IFIT1B: variants seen among roughly 807,000 people sequenced by gnomAD.
IFIT1B encodes protein IFIT1 homolog B.
A neutral mutation model predicts 2.5 loss-of-function variants in IFIT1B; 3 were observed. The ratio of observed to expected loss-of-function variants is 1.21; its 90% CI spans 0.55 to 3.14. The LOEUF (loss-of-function observed/expected upper bound fraction) is 3.14. IFIT1B is among the 30% of genes most tolerant of loss of function. The pLI is 0.03. For synonymous variants in IFIT1B, 196 were observed against 203.0 expected (o/e 0.97, Z 0.29); for missense variants, 545 against 556.5 (o/e 0.98, Z 0.21).
chr10:89,384,611 A>T lies in IFIT1B; in HGVS notation c.1298A>T (p.Asn433Ile). 1 of 1,614,206 alleles carries T rather than the reference A, an allele frequency of 6.2e-7. No individual in the cohort carries two copies. Among genetic ancestry groups the T allele is most frequent in the South Asian group, 1.1e-5 (1 of 91,086 alleles). Residue 433 changes from asparagine to isoleucine, a missense_variant, in exon 2 of 2, where the codon AAT becomes ATT. Asn to Ile is a moderately radical substitution (Grantham distance 149, BLOSUM62 -3). Coordinates refer to ENST00000371809, the MANE Select transcript of IFIT1B (RefSeq NM_001010987.2). ...EKLAKRCIHQNVRVVESVSLL... is the reference protein window; with the variant it reads ...EKLAKRCIHQIVRVVESVSLL... ...TTGGCTAAAAGATGTATTCACCAGA[A>T]TGTACGGGTTGTGGAAAGTGTCAGC... is the stretch of plus-strand genomic sequence containing the variant.
chr10:89,385,176 G>T lies in IFIT1B; in HGVS notation c.*438G>T, dbSNP rs953114028. ...TCCTGAGTGGTTACCCTCAAGCTTT[G>T]TGCTCAAATAAACTCTATACTTAAT... On this transcript the variant is annotated 3_prime_UTR_variant, in exon 2 of 2. Coordinates refer to ENST00000371809, the MANE Select transcript of IFIT1B (RefSeq NM_001010987.2). The T allele has an allele frequency of 6.3e-6, 1 of 158,128 alleles. No homozygotes were observed. The highest frequency in any genetic ancestry group is 1.4e-5 in the Non-Finnish European group (1 of 71,652). The allele number at this position is 158,128 out of a possible 1,614,324, so 9.8% of individuals were successfully genotyped here.
intron 1 of IFIT1B, among the ~76,000 whole-genome samples, chr10:89,379,952 G>A (rs553516101): frequency 2.0e-5 from 3 of 151,848 alleles, no homozygotes; most frequent in South Asian, 4.2e-4. Context: ...GGAGAATGGC[G>A]TGAACCTGGG....
Position 89,384,505 on chromosome 10 carries a change from G to A in IFIT1B, c.1192G>A (p.Ala398Thr), listed in dbSNP as rs1844190150. ...QEHHGKSQDK[A>T]ITHYLKGLKI... ...ACATCATGGGAAATCTCAAGATAAA[G>A]CAATTACCCATTATTTAAAAGGTTT... is the stretch of plus-strand genomic sequence containing the variant. Residue 398 changes from alanine (A) to threonine (T), a missense_variant, in exon 2 of 2, where the codon GCA becomes ACA. By Grantham distance (58) the Ala-to-Thr change is moderately conservative. Coordinates refer to ENST00000371809, the MANE Select transcript of IFIT1B (RefSeq NM_001010987.2). The A allele has an allele frequency of 1.2e-6, 2 of 1,613,914 alleles. No individual in the cohort carries two copies. The highest frequency in any genetic ancestry group is 1.7e-6 in the Non-Finnish European group (2 of 1,179,926).
Position 89,384,816 on chromosome 10 carries a change from A to C in IFIT1B, c.*78A>C, listed in dbSNP as rs575748228. On this transcript the variant is annotated 3_prime_UTR_variant, in exon 2 of 2. Coordinates refer to ENST00000371809, the MANE Select transcript of IFIT1B (RefSeq NM_001010987.2). ...ATGAAATTAAATAATGCAAACTTAA[A>C]GCTGTTGGAAATTTACCTTATTTTG... 3.2e-5 allele frequency: 41 copies of C among 1,294,550 alleles called. 2 individuals are homozygous for C. The Middle Eastern group carries it at 7.3e-4, about 23-fold the overall frequency. 80.2% of individuals were successfully genotyped at this position (1,294,550 alleles called of 1,614,324 possible).
intron 1 of IFIT1B, among the ~76,000 whole-genome samples, chr10:89,379,663 T>C (rs553473110): frequency 3.9e-5 from 6 of 152,212 alleles, no homozygotes; most frequent in African/African-American, 1.4e-4. Context: ...GAAGAAATTA[T>C]AAATGAAGGA....
chr10:89,378,249 A>T, intron 1 of IFIT1B, 109 bp downstream of exon 1: 1 of 1,123,224 alleles, frequency 8.9e-7, no homozygotes, highest in Middle Eastern at 2.0e-4. Context: ...GAGCTGTCCC[A>T]CTGGTGGTTC....
Position 89,384,788 on chromosome 10 carries a change from A to G in IFIT1B, c.*50A>G. ...AATGGTCTTATAACTAAATAGAATG[A>G]CTATGAAATTAAATAATGCAAACTT... On this transcript the variant is annotated 3_prime_UTR_variant, in exon 2 of 2. Transcript: ENST00000371809. 7.1e-7 allele frequency: 1 copy of G among 1,402,386 alleles called. No homozygotes were observed. The highest frequency in any genetic ancestry group is 1.4e-5 in the African/African-American group (1 of 69,238). 86.9% of individuals were successfully genotyped at this position (1,402,386 alleles called of 1,614,324 possible).
chr10:89,379,133 G>A (rs1229685801), intron 1 of IFIT1B, among the ~76,000 whole-genome samples: 5 of 152,202 alleles, frequency 3.3e-5, no homozygotes, highest in Admixed American at 6.5e-5. Flanking sequence ...TCTGTTGTTT[G>A]TTTGTTTTTG....
intron 1 of IFIT1B, among the ~76,000 whole-genome samples, chr10:89,379,933 G>A (rs1844150219): frequency 6.6e-6 from 1 of 152,008 alleles, no homozygotes; most frequent in African/African-American, 2.4e-5. Flanking sequence ...TACTCAGGAG[G>A]CTGAGGCAGG....
In IFIT1B at chr10:89,384,374, G is replaced by A. The variant is rs1027170572; in HGVS notation, c.1061G>A (p.Gly354Asp). ...CTGGCTGAAACGTATGCAGAAATAG[G>A]CCACCACAGAAAGGCTGAGGAACAT... ...VDLAETYAEI[G>D]HHRKAEEHFQ... Residue 354 changes from glycine (G) to aspartate (D), a missense_variant, in exon 2 of 2, where the codon GGC becomes GAC. Coordinates refer to ENST00000371809, the MANE Select transcript of IFIT1B (RefSeq NM_001010987.2). The A allele has an allele frequency of 5.6e-5, 90 of 1,613,990 alleles. No homozygotes were observed. Among genetic ancestry groups the A allele is most frequent in the Non-Finnish European group, 6.9e-5 (81 of 1,180,026 alleles).
At position 89,384,428 on chromosome 10, in the gene IFIT1B, T is replaced by C. The variant is rs1844188907; in HGVS notation, c.1115T>C (p.Phe372Ser). 6.2e-7 allele frequency: 1 copy of C among 1,614,212 alleles called. No homozygotes were observed. Among genetic ancestry groups the C allele is most frequent in the Non-Finnish European group, 8.5e-7 (1 of 1,180,040 alleles). The stretch of plus-strand genomic sequence containing the variant: ...CAGAAAGGGTTACGCATGAAGATCT[T>C]TGAAGATCAGCTAAAGCAAGAGATT... ...HFQKGLRMKI[F>S]EDQLKQEIHY... The change falls in exon 2 of 2, where the codon TTT becomes TCT. Residue 372 changes from phenylalanine (F) to serine (S), a missense_variant. Coordinates refer to ENST00000371809, the MANE Select transcript of IFIT1B (RefSeq NM_001010987.2).
Position 89,383,482 on chromosome 10 carries a change from C to T in IFIT1B, c.169C>T (p.Leu57=). 2 of 1,614,166 alleles carry T rather than the reference C, an allele frequency of 1.2e-6. No individual in the cohort carries two copies. Among genetic ancestry groups the T allele is most frequent in the Non-Finnish European group, 1.7e-6 (2 of 1,180,038 alleles). ...DTKYNVGIHN[L]LAYVKHLKGQ... is the part of the protein sequence containing the mutation. ...CAAATACAATGTGGGAATACACAAC[C>T]TACTAGCCTATGTGAAACACCTGAA... The change falls in exon 2 of 2, where the codon CTA becomes TTA. Residue 57 remains leucine, a synonymous_variant. Coordinates refer to ENST00000371809, the MANE Select transcript of IFIT1B (RefSeq NM_001010987.2).
chr10:89,381,112 G>A (rs12781453), intron 1 of IFIT1B, among the ~76,000 whole-genome samples: 38,216 of 152,034 alleles, frequency 0.25, 5,028 homozygotes, highest in Middle Eastern at 0.29. Flanking sequence ...AAATGTGCTG[G>A]GTGGGCTAGC....
chr10:89,384,222 G>A lies in IFIT1B; in HGVS notation c.909G>A (p.Lys303=), dbSNP rs1844186092. ...ACAGGGCACAAATGATCCAAATCAA[G>A]GAAGCTACAAACTGGCAGCCTAGAG... The part of the protein sequence containing the change: ...LCYRAQMIQI[K]EATNWQPRGQ... Residue 303 remains lysine, a synonymous_variant, in exon 2 of 2, where the codon AAG becomes AAA. Transcript: ENST00000371809. The A allele has an allele frequency of 6.2e-7, 1 of 1,614,138 alleles. No individual in the cohort carries two copies. The highest frequency in any genetic ancestry group is 8.5e-7 in the Non-Finnish European group (1 of 1,180,002).
In IFIT1B at chr10:89,378,092, C is replaced by T; in HGVS notation, c.-44C>T. 7 of 1,612,334 alleles carry T rather than the reference C, an allele frequency of 4.3e-6. No individual in the cohort carries two copies. The highest frequency in any genetic ancestry group is 1.1e-5 in the South Asian group (1 of 90,976). On this transcript the variant is annotated 5_prime_UTR_variant, in exon 1 of 2. Transcript: ENST00000371809. ...GATGAACCTTGAAGGAGCCTCCAAGCCTGAACCAAAGCACTACAGATCACC... is the reference window on the plus strand; with the variant it reads ...GATGAACCTTGAAGGAGCCTCCAAGTCTGAACCAAAGCACTACAGATCACC...
chr10:89,378,871 G>A (rs1844141353), intron 1 of IFIT1B, among the ~76,000 whole-genome samples: 1 of 152,202 alleles, frequency 6.6e-6, no homozygotes, highest in South Asian at 2.1e-4. Context: ...TTCCAAAGAT[G>A]TCATTTCTGT....
rs1401536225 is a variant in IFIT1B at position 89,384,094 on chromosome 10, T to C, written c.781T>C (p.Tyr261His). The change falls in exon 2 of 2, where the codon TAT (tyrosine) becomes CAT (histidine). Residue 261 changes from tyrosine (Y) to histidine (H), a missense_variant. Coordinates refer to ENST00000371809, the MANE Select transcript of IFIT1B (RefSeq NM_001010987.2). ...AYVFQYAAKFYRRKGSVDKAL... is the reference protein window; with the variant it reads ...AYVFQYAAKFHRRKGSVDKAL... ...TGTCTTTCAATATGCAGCCAAGTTT[T>C]ATCGAAGAAAAGGGTCTGTGGATAA... 1.9e-6 allele frequency: 3 copies of C among 1,614,182 alleles called. No homozygotes were observed. Among genetic ancestry groups the C allele is most frequent in the Non-Finnish European group, 1.7e-6 (2 of 1,180,034 alleles).
Position 89,383,815 on chromosome 10 carries a change from C to T in IFIT1B, c.502C>T (p.Leu168=), listed in dbSNP as rs201423042. Residue 168 remains leucine (L), a synonymous_variant, in exon 2 of 2, where the codon CTG becomes TTG. Transcript: ENST00000371809. ...GGCCAAGACCTGCTTTGAAAAGGCT[C>T]TGGAAGGGAACCCTGAAAACCCTGA... ...ERAKTCFEKA[L]EGNPENPEFN... The T allele has an allele frequency of 1.2e-5, 20 of 1,614,210 alleles. No individual in the cohort carries two copies. The African/African-American group carries it at 2.4e-4, about 19-fold the overall frequency.
chr10:89,380,729 G>C (rs2133602653), intron 1 of IFIT1B, among the ~76,000 whole-genome samples: 1 of 152,228 alleles, frequency 6.6e-6, no homozygotes, highest in East Asian at 1.9e-4. Flanking sequence ...CACCACGCTG[G>C]GGCCTAATTT....
Sources: gnomAD v4.1 joint callset for allele counts (sites outside exome capture counted in the v4.1 genomes callset) on GRCh38, gnomAD v4.1.1 for gene constraint, MANE v1.5 for transcripts, NCBI Gene and HGNC (gene_info 2026-07-23, HGNC 2026-07-21) for gene names.